Variants in CHODL observed in about 807,000 individuals in gnomAD.
CHODL encodes the protein transmembrane protein MT75.
Under a neutral mutation model 34.5 loss-of-function variants are expected in CHODL, and 29 were observed. The observed-to-expected ratio is 0.84, with a 90% CI of 0.63 to 1.15. CHODL has a LOEUF of 1.15. Among genes scored for constraint, CHODL ranks in the 50% most tolerant of loss-of-function variants. The probability of loss-of-function intolerance (pLI) is 0.00; values close to 1 mark genes in which losing one functional copy is unlikely to be tolerated. For missense variants in CHODL, 332 were observed against 332.5 expected, an observed-to-expected ratio of 1.00 and a Z score of 0.01; for synonymous variants, 125 against 116.1, an observed-to-expected ratio of 1.08 and a Z score of -0.49.
At chr21:18,084,358 G>T (rs1183522978) in intron 2 of CHODL, among the ~76,000 whole-genome samples, 1 of 152,070 alleles carries the variant, frequency 6.6e-6, no homozygotes, top group Non-Finnish European at 1.5e-5. Flanking sequence ...GTGATGTTAG[G>T]TTTTTAATTA....
chr21:18,201,036 C>A (rs1401013118), intron 2 of CHODL, among the ~76,000 whole-genome samples: 1 of 152,094 alleles, frequency 6.6e-6, no homozygotes, highest in East Asian at 1.9e-4. Context: ...AAATAAATTT[C>A]TGTTGTCTTA....
At chr21:18,173,327 A>T (rs576142643) in intron 2 of CHODL, among the ~76,000 whole-genome samples, 82 of 152,316 alleles carry the variant, frequency 5.4e-4, no homozygotes, top group Middle Eastern at 3.4e-3. Context: ...CATACTCATG[A>T]AGAAGGCATT....
At chr21:18,242,015 C>T (rs1405871316), upstream of CHODL, among the ~76,000 whole-genome samples, 1 of 150,592 alleles carries the variant, frequency 6.6e-6, no homozygotes, top group Non-Finnish European at 1.5e-5. Flanking sequence ...TTTTAATGGA[C>T]AAAGACCCTT....
At chr21:18,094,975 T>A (rs1220217510) in intron 2 of CHODL, among the ~76,000 whole-genome samples, 1 of 151,792 alleles carries the variant, frequency 6.6e-6, no homozygotes, top group East Asian at 1.9e-4. Context: ...AATAAAAAAA[T>A]TAGCTGGGTG....
rs972650062 is a variant in CHODL, at chr21:18,244,954, C to T, written c.-270C>T. On this transcript the variant is annotated 5_prime_UTR_variant, in exon 1 of 6. Transcript: ENST00000299295. ...CGGGGCTTCTGCTTCGCCTCTAGGA[C>T]ATACACGGGACCCCCTAACTTCAGT... is the stretch of plus-strand genomic sequence containing the variant. 4.7e-6 allele frequency: 2 copies of T among 426,006 alleles called. No homozygotes were observed. Among genetic ancestry groups the T allele is most frequent in the Non-Finnish European group, 8.3e-6 (2 of 241,390 alleles). The allele number at this position is 426,006 out of a possible 1,614,324, so 26.4% of individuals were successfully genotyped here.
chr21:18,182,857 T>G (rs1356106123), intron 2 of CHODL, among the ~76,000 whole-genome samples: 1 of 152,212 alleles, frequency 6.6e-6, no homozygotes. Flanking sequence ...AATGAAGTAT[T>G]CTGGGTGCTG....
chr21:18,266,002 A>G lies in CHODL; in HGVS notation c.786A>G (p.Ser262=). The G allele has an allele frequency of 6.2e-7, 1 of 1,613,398 alleles. No individual in the cohort carries two copies. Among genetic ancestry groups the G allele is most frequent in the Non-Finnish European group, 8.5e-7 (1 of 1,179,466 alleles). The change falls in exon 6 of 6, where the codon TCA becomes TCG. Residue 262 remains serine, a synonymous_variant. Coordinates refer to ENST00000299295, the MANE Select transcript of CHODL (RefSeq NM_024944.3). Reference sequence around the variant, plus strand: ...CAAACCAGTCTACACTGTGGATTTCAAAGAGTACCAGAAAAGAAAGTGGCA... The same window carrying G: ...CAAACCAGTCTACACTGTGGATTTCGAAGAGTACCAGAAAAGAAAGTGGCA... The part of the protein sequence containing the change: ...TSPNQSTLWI[S]KSTRKESGME...
chr21:18,131,894 T>C (rs2072659331), intron 2 of CHODL, among the ~76,000 whole-genome samples: 1 of 152,216 alleles, frequency 6.6e-6, no homozygotes, highest in South Asian at 2.1e-4. Flanking sequence ...AATTATCTTT[T>C]TTAAAAAGTT....
chr21:17,926,219 A>G (rs1193986152), intron 1 of CHODL, among the ~76,000 whole-genome samples: 1 of 152,026 alleles, frequency 6.6e-6, no homozygotes, highest in Non-Finnish European at 1.5e-5. Context: ...GCCATTTTAC[A>G]AAAGTTTAGC....
At chr21:18,182,267 A>G (rs754546680) in intron 2 of CHODL, among the ~76,000 whole-genome samples, 78 of 152,196 alleles carry the variant, frequency 5.1e-4, no homozygotes, top group Non-Finnish European at 8.5e-4. Context: ...AGGTTCAGAC[A>G]ATTTAAGATG....
intron 2 of CHODL, among the ~76,000 whole-genome samples, chr21:18,032,664 G>A (rs913721641): frequency 6.6e-6 from 1 of 152,026 alleles, no homozygotes; most frequent in African/African-American, 2.4e-5. Context: ...AACATCTGGT[G>A]TGCAATTACT....
intron 2 of CHODL, among the ~76,000 whole-genome samples, chr21:18,055,197 T>G (rs909703414): frequency 6.6e-6 from 1 of 151,974 alleles, no homozygotes; most frequent in Non-Finnish European, 1.5e-5. Context: ...TTGGCAAATA[T>G]GTAACTGGAA....
At chr21:17,939,351 T>A (rs1206094872) in intron 1 of CHODL, among the ~76,000 whole-genome samples, 1 of 152,218 alleles carries the variant, frequency 6.6e-6, no homozygotes, top group Non-Finnish European at 1.5e-5. Flanking sequence ...TGTGGTTGGT[T>A]TATTTCATTC....
chr21:18,245,150 CAG>C lies in CHODL; in HGVS notation c.-71_-70del. Reference sequence around the variant, plus strand: ...CAGGGAGGCAGGGAGGCTGCAGAGTCAGAGTCGCGGGCTGCGCCCTGGGCAGA... The same window carrying C: ...CAGGGAGGCAGGGAGGCTGCAGAGTCAGTCGCGGGCTGCGCCCTGGGCAGA... On this transcript the variant is annotated 5_prime_UTR_variant, in exon 1 of 6. Transcript: ENST00000299295. 5 of 1,279,798 alleles carry C rather than the reference CAG, an allele frequency of 3.9e-6. No individual in the cohort carries two copies. The highest frequency in any genetic ancestry group is 5.3e-6 in the Non-Finnish European group (5 of 952,220). 79.3% of individuals were successfully genotyped at this position (1,279,798 alleles called of 1,614,324 possible).
chr21:18,251,585 ATATT>A (rs1269787252), intron 1 of CHODL, among the ~76,000 whole-genome samples: 7 of 3,012 alleles, frequency 2.3e-3, no homozygotes, highest in Non-Finnish European at 5.2e-3. Flanking sequence ...AATATATAAA[ATATT>A]TATTTTATTT....
intron 1 of CHODL, among the ~76,000 whole-genome samples, chr21:17,982,081 C>T (rs543058122): frequency 6.6e-6 from 1 of 152,256 alleles, no homozygotes; most frequent in South Asian, 2.1e-4. Context: ...AAAGACTTTC[C>T]AGTAATTCTA....
intron 2 of CHODL, among the ~76,000 whole-genome samples, chr21:18,098,619 G>A (rs1011281781): frequency 3.3e-5 from 5 of 152,086 alleles, no homozygotes; most frequent in Non-Finnish European, 7.4e-5. Context: ...CTCATATACT[G>A]TTGGTGGCAA....
At chr21:18,081,173 G>A (rs1402174036) in intron 2 of CHODL, among the ~76,000 whole-genome samples, 1 of 152,054 alleles carries the variant, frequency 6.6e-6, no homozygotes, top group Non-Finnish European at 1.5e-5. Context: ...ACTGATTTCT[G>A]TACATAGTTT....
chr21:17,970,653 T>G (rs947979803), intron 1 of CHODL, among the ~76,000 whole-genome samples: 1 of 152,196 alleles, frequency 6.6e-6, no homozygotes, highest in African/African-American at 2.4e-5. Flanking sequence ...GTTGCATGAA[T>G]AAGTCCTTTA....
Sources: allele counts gnomAD v4.1 joint callset (sites outside exome capture counted in the v4.1 genomes callset), GRCh38; gene constraint gnomAD v4.1.1; transcripts MANE v1.5; gene names NCBI Gene and HGNC (gene_info 2026-07-23, HGNC 2026-07-21).